The following MECOM variants were observed in gnomAD, a reference collection of about 807,000 sequenced individuals.
MECOM encodes the protein histone-lysine N-methyltransferase MECOM.
In MECOM, 13 loss-of-function variants were observed where a neutral mutation model predicts 116.3. The ratio of observed to expected loss-of-function variants is 0.11; its 90% CI spans 0.07 to 0.18. The LOEUF (loss-of-function observed/expected upper bound fraction) is 0.18. Ranked by LOEUF, MECOM falls within the 10% of genes least tolerant of loss-of-function variation. MECOM has a pLI of 1.00. For synonymous variants in MECOM, 528 were observed against 535.2 expected (o/e 0.99, Z 0.19); for missense variants, 1,299 against 1,509.0 (o/e 0.86, Z 2.31).
chr3:169,165,035 T>C (rs1053111458), intron 2 of MECOM, among the ~76,000 whole-genome samples: 2 of 152,190 alleles, frequency 1.3e-5, no homozygotes, highest in East Asian at 1.9e-4. Flanking sequence ...AGGAAATAAA[T>C]TGGTTTATGA....
intron 2 of MECOM, among the ~76,000 whole-genome samples, chr3:169,318,241 C>T (rs180899992): frequency 6.6e-6 from 1 of 152,248 alleles, no homozygotes; most frequent in African/African-American, 2.4e-5. Flanking sequence ...ACACCAAAAG[C>T]AATGGCCACA....
intron 2 of MECOM, among the ~76,000 whole-genome samples, chr3:169,325,315 T>C (rs1015228039): frequency 1.3e-4 from 20 of 152,282 alleles, no homozygotes; most frequent in African/African-American, 4.8e-4. Context: ...AAATTCCCGA[T>C]GAATGTTTGC....
At chr3:169,582,232 T>C (rs1252980089) in intron 1 of MECOM, among the ~76,000 whole-genome samples, 1 of 151,792 alleles carries the variant, frequency 6.6e-6, no homozygotes, top group Non-Finnish European at 1.5e-5. Flanking sequence ...GCAGAAAATA[T>C]CAAGCGAGAG....
In MECOM at chr3:169,090,100, C is replaced by G. The variant is rs753349574; in HGVS notation, c.3301G>C (p.Gly1101Arg). 1 of 1,613,614 alleles carries G rather than the reference C, an allele frequency of 6.2e-7. No homozygotes were observed. Among genetic ancestry groups the G allele is most frequent in the South Asian group, 1.1e-5 (1 of 91,058 alleles). The change falls in exon 15 of 17, where the codon GGA becomes CGA. Residue 1101 changes from glycine (G) to arginine (R), a missense_variant. By Grantham distance (125) the Gly-to-Arg change is moderately radical. Transcript: ENST00000651503. ...DEDNDITGKT[G>R]KEPVTSNLHE... ...AAATTACTTGTCACTGGTTCCTTTC[C>G]TGTTTTTCCAGTAATATCATTGTCT...
At chr3:169,525,468 G>A (rs979562411) in intron 1 of MECOM, among the ~76,000 whole-genome samples, 1 of 152,154 alleles carries the variant, frequency 6.6e-6, no homozygotes, top group African/African-American at 2.4e-5. Context: ...GTTCAGGACA[G>A]CTATTTTTTC....
chr3:169,534,724 T>C (rs963526404), intron 1 of MECOM, among the ~76,000 whole-genome samples: 1 of 152,168 alleles, frequency 6.6e-6, no homozygotes, highest in Admixed American at 6.5e-5. Flanking sequence ...ACACATGCAA[T>C]CCTCATCCCA....
At chr3:169,316,693 T>C (rs1237710386) in intron 2 of MECOM, among the ~76,000 whole-genome samples, 1 of 152,152 alleles carries the variant, frequency 6.6e-6, no homozygotes, top group Non-Finnish European at 1.5e-5. Context: ...TTGGGAATTA[T>C]AGGCATGTGC....
rs893049855 is a variant in MECOM, at chr3:169,092,944, A to G, written c.3164+14T>C. 2 of 1,613,492 alleles carry G rather than the reference A, an allele frequency of 1.2e-6. No homozygotes were observed. The highest frequency in any genetic ancestry group is 2.7e-5 in the African/African-American group (2 of 74,888). ...CAGTCGTCACAGAGTTTAAAAAGTA[A>G]AAGACAGCTTTACCTCTCCTCCACA... is the stretch of plus-strand genomic sequence containing the variant. On this transcript the variant is annotated intron_variant, in intron 14 of 16. Coordinates refer to ENST00000651503, the MANE Select transcript of MECOM (RefSeq NM_004991.4).
At chr3:169,427,609 T>C (rs1214898281) in intron 1 of MECOM, among the ~76,000 whole-genome samples, 2 of 152,220 alleles carry the variant, frequency 1.3e-5, no homozygotes, top group Non-Finnish European at 2.9e-5. Context: ...TCCACTCAGA[T>C]GTGAGTTATG....
At chr3:169,234,513 A>G (rs1243466886) in intron 2 of MECOM, among the ~76,000 whole-genome samples, 1 of 152,140 alleles carries the variant, frequency 6.6e-6, no homozygotes, top group East Asian at 1.9e-4. Context: ...GAAGGGAAAA[A>G]AGAAAAAGGA....
chr3:169,428,843 C>G lies in MECOM; in HGVS notation c.38-47319G>C, dbSNP rs530990601. On this transcript the variant is annotated intron_variant, in intron 1 of 16. Transcript: ENST00000651503. ...TCAATGCCCTTGGTCTGGGTTTTCACCCTGACATCACCTGGAAGTCTCTGT... is the reference window on the plus strand; with the variant it reads ...TCAATGCCCTTGGTCTGGGTTTTCAGCCTGACATCACCTGGAAGTCTCTGT... 7.9e-5 allele frequency among the ~76,000 whole-genome samples: 12 copies of G among 152,156 alleles called. No individual in the cohort carries two copies. In the South Asian group the frequency reaches 2.5e-3, roughly 32 times the overall value.
At chr3:169,295,901 G>A (rs1715500451) in intron 2 of MECOM, among the ~76,000 whole-genome samples, 1 of 152,176 alleles carries the variant, frequency 6.6e-6, no homozygotes, top group Admixed American at 6.5e-5. Context: ...AAGAAAGTGA[G>A]GTTTTGTTTG....
chr3:169,473,289 A>T (rs967313740), intron 1 of MECOM, among the ~76,000 whole-genome samples: 1 of 152,130 alleles, frequency 6.6e-6, no homozygotes. Context: ...CCTTCATCCT[A>T]ATCCACAGGC....
intron 2 of MECOM, among the ~76,000 whole-genome samples, chr3:169,263,077 C>CCATA (rs1757750851): frequency 9.1e-5 from 3 of 32,914 alleles, no homozygotes; most frequent in East Asian, 8.5e-4. Flanking sequence ...TTTCAAGATG[C>CCATA]TATATATATA....
At chr3:169,395,932 T>A (rs2108364163) in intron 1 of MECOM, among the ~76,000 whole-genome samples, 1 of 152,200 alleles carries the variant, frequency 6.6e-6, no homozygotes, top group South Asian at 2.1e-4. Flanking sequence ...CAAATAAATA[T>A]AAAATTTGTT....
rs779967808 is a variant in MECOM at position 169,089,139 on chromosome 3, T to C, written c.3446A>G (p.His1149Arg). ...GAGGCTATCTGTGAAGTGCCTTATA[T>C]GATCTAGAGCAGAAAGTCCACTTTT... Reference protein sequence around the residue: ...EYKSGLSALDHIRHFTDSLKM... With the variant: ...EYKSGLSALDRIRHFTDSLKM... Residue 1149 changes from histidine to arginine, a missense_variant, in exon 16 of 17, where the codon CAT (histidine) becomes CGT (arginine). Around this residue, in one of 6 missense-constraint regions of MECOM, gnomAD observed 273 missense variants for 289.3 expected, o/e 0.94. Coordinates refer to ENST00000651503, the MANE Select transcript of MECOM (RefSeq NM_004991.4). 2.1e-5 allele frequency: 33 copies of C among 1,598,202 alleles called. 2 individuals carry two copies. The Middle Eastern group carries it at 3.2e-3, about 153-fold the overall frequency.
At chr3:169,556,859 C>T (rs1018249563) in intron 1 of MECOM, among the ~76,000 whole-genome samples, 4 of 152,152 alleles carry the variant, frequency 2.6e-5, no homozygotes, top group African/African-American at 4.8e-5. Flanking sequence ...AGAAACCCTA[C>T]GCTACAACCA....
chr3:169,343,843 T>G lies in MECOM; in HGVS notation c.375+37344A>C, dbSNP rs1228149823. ...GCTTATGGTTGGAACATACTTAAAT[T>G]AGTCAAACATTTTGCAGTACCATCC... On this transcript the variant is annotated intron_variant, in intron 2 of 16. Transcript: ENST00000651503. Among the ~76,000 whole-genome samples the G allele has an allele frequency of 2.6e-5, 4 of 152,298 alleles. No individual in the cohort carries two copies. The East Asian group carries it at 7.7e-4, about 29-fold the overall frequency.
At chr3:169,259,582 T>A (rs1386403719) in intron 2 of MECOM, among the ~76,000 whole-genome samples, 3 of 151,880 alleles carry the variant, frequency 2.0e-5, no homozygotes, top group Non-Finnish European at 4.4e-5. Context: ...AAAAAAATTT[T>A]GCCTGACACA....
Sources: allele counts gnomAD v4.1 joint callset (sites outside exome capture counted in the v4.1 genomes callset), GRCh38; gene constraint gnomAD v4.1.1; regional missense constraint gnomAD v4.1.1; transcripts MANE v1.5; gene names NCBI Gene and HGNC (gene_info 2026-07-23, HGNC 2026-07-21).